PACRG: variants seen among roughly 807,000 people sequenced by gnomAD.
PACRG encodes parkin coregulated, also known as parkin coregulated gene protein.
Under a neutral mutation model 29.7 loss-of-function variants are expected in PACRG, and 29 were observed. The ratio of observed to expected loss-of-function variants is 0.98; its 90% CI spans 0.73 to 1.33. The LOEUF (loss-of-function observed/expected upper bound fraction) is 1.33. PACRG is among the 40% of genes most tolerant of loss of function. PACRG has a pLI of 0.00. For missense variants in PACRG, 279 were observed against 316.2 expected (o/e 0.88, Z 0.89); for synonymous variants, 116 against 118.7 (o/e 0.98, Z 0.15).
At chr6:163,240,183 C>A (rs1782441715) in intron 4 of PACRG, among the ~76,000 whole-genome samples, 2 of 152,068 alleles carry the variant, frequency 1.3e-5, no homozygotes, top group African/African-American at 4.8e-5. Flanking sequence ...ACCTGTGCCT[C>A]CGCCGGGCCT....
intron 4 of PACRG, among the ~76,000 whole-genome samples, chr6:163,295,227 T>A (rs1784744736): frequency 6.6e-6 from 1 of 152,222 alleles, no homozygotes; most frequent in Non-Finnish European, 1.5e-5. Context: ...GCTACGTGCC[T>A]ATTTTTAAAA....
intron 2 of PACRG, among the ~76,000 whole-genome samples, chr6:163,061,550 G>A (rs149956361): frequency 0.018 from 2,707 of 152,214 alleles, 80 homozygotes; most frequent in Admixed American, 0.087. Context: ...AGGTGTCAGT[G>A]GTCCCAGGTT....
At chr6:162,935,149 A>G (rs1020706962) in intron 2 of PACRG, among the ~76,000 whole-genome samples, 13 of 152,144 alleles carry the variant, frequency 8.5e-5, no homozygotes, top group African/African-American at 2.9e-4. Flanking sequence ...TAGTTTAACT[A>G]TAACTTGCCT....
intron 4 of PACRG, among the ~76,000 whole-genome samples, chr6:163,197,490 C>T (rs1050025399): frequency 7.5e-6 from 1 of 133,892 alleles, no homozygotes; most frequent in Non-Finnish European, 1.5e-5. Context: ...GTTGCCCAGG[C>T]TGGAGTGCAG....
chr6:163,089,245 C>G lies in PACRG; in HGVS notation c.464-14C>G. The G allele has an allele frequency of 6.2e-7, 1 of 1,610,136 alleles. No homozygotes were observed. Among genetic ancestry groups the G allele is most frequent in the Non-Finnish European group, 8.5e-7 (1 of 1,177,752 alleles). On this transcript the variant is annotated splice_polypyrimidine_tract_variant and intron_variant, in intron 3 of 4. Coordinates refer to ENST00000366888, the MANE Select transcript of PACRG (RefSeq NM_001080379.2). ...TTAAAATATTTTCTGCTTGGTCCTTCTTTTACCATATAGATGCCTTGAACC... is the reference window on the plus strand; with the variant it reads ...TTAAAATATTTTCTGCTTGGTCCTTGTTTTACCATATAGATGCCTTGAACC...
At chr6:163,071,317 C>G (rs1302647838) in intron 3 of PACRG, among the ~76,000 whole-genome samples, 1 of 151,928 alleles carries the variant, frequency 6.6e-6, no homozygotes, top group Non-Finnish European at 1.5e-5. Flanking sequence ...TTAAAACATT[C>G]AAAAAAATTC....
At chr6:162,747,493 T>TATATATATA (rs71008109) in intron 1 of PACRG, among the ~76,000 whole-genome samples, 6 of 127,598 alleles carry the variant, frequency 4.7e-5, no homozygotes, top group African/African-American at 1.2e-4. Context: ...TATATATATA[T>TATATATATA]TCCATTAGTT....
chr6:163,265,090 G>A lies in PACRG; in HGVS notation c.614-49737G>A, dbSNP rs190114728. On this transcript the variant is annotated intron_variant, in intron 4 of 4. Transcript: ENST00000366888. ...TATTTTCAGCTTGTAGTAAAGAGCC[G>A]GCTTCCACTCCTGCTGGGTGAATGA... is the stretch of plus-strand genomic sequence containing the variant. Among the ~76,000 whole-genome samples, 166 of 152,312 alleles carry A rather than the reference G, an allele frequency of 1.1e-3. 1 individual carries two copies. Among genetic ancestry groups the A allele is most frequent in the African/African-American group, 3.8e-3 (159 of 41,580 alleles).
intron 2 of PACRG, among the ~76,000 whole-genome samples, chr6:162,895,659 A>G (rs939672624): frequency 3.3e-5 from 5 of 152,220 alleles, no homozygotes; most frequent in African/African-American, 1.2e-4. Flanking sequence ...AGACCTGTAC[A>G]ATTTGAAAAT....
At chr6:163,101,124 T>G (rs1231943695) in intron 4 of PACRG, 1 of 982,990 alleles carries the variant, frequency 1.0e-6, no homozygotes, top group Non-Finnish European at 1.2e-6. Context: ...TAATTTAGAT[T>G]TTGCATACCA....
chr6:163,070,209 A>G (rs1811913526), intron 3 of PACRG, among the ~76,000 whole-genome samples: 1 of 152,138 alleles, frequency 6.6e-6, no homozygotes, highest in Non-Finnish European at 1.5e-5. Context: ...AGCAATAAGA[A>G]GTCATCTGAA....
chr6:163,233,918 CA>C (rs1286345750), intron 4 of PACRG, among the ~76,000 whole-genome samples: 2 of 152,134 alleles, frequency 1.3e-5, no homozygotes, highest in Admixed American at 1.3e-4. Flanking sequence ...GAGAGACATT[CA>C]AATAGAAATA....
chr6:162,880,549 T>A (rs896268438), intron 2 of PACRG, among the ~76,000 whole-genome samples: 4 of 152,236 alleles, frequency 2.6e-5, no homozygotes, highest in Admixed American at 1.3e-4. Context: ...GTCAAGGTTC[T>A]GTGTATTTGT....
At chr6:163,297,956 G>A (rs148623969) in intron 4 of PACRG, among the ~76,000 whole-genome samples, 2 of 152,262 alleles carry the variant, frequency 1.3e-5, no homozygotes, top group African/African-American at 2.4e-5. Context: ...CCTCTGCATT[G>A]CTTAACACAA....
chr6:162,852,035 G>A (rs1013202088), intron 2 of PACRG, among the ~76,000 whole-genome samples: 2 of 149,754 alleles, frequency 1.3e-5, no homozygotes, highest in Admixed American at 1.4e-4. Flanking sequence ...AAGGAAGGAA[G>A]GAAAGATGGA....
At chr6:162,990,451 C>T (rs1043988679) in intron 2 of PACRG, among the ~76,000 whole-genome samples, 1 of 149,212 alleles carries the variant, frequency 6.7e-6, no homozygotes, top group Non-Finnish European at 1.5e-5. Context: ...GAGATGATAT[C>T]TCAGAGTGGT....
chr6:163,190,878 G>T (rs1473250573), intron 4 of PACRG: 1 of 450,840 alleles, frequency 2.2e-6, no homozygotes, highest in Non-Finnish European at 4.4e-6. Flanking sequence ...TGCTGATGAT[G>T]TCCTGACAAA....
At chr6:162,911,547 G>T in intron 2 of PACRG, among the ~76,000 whole-genome samples, 1 of 152,196 alleles carries the variant, frequency 6.6e-6, no homozygotes, top group East Asian at 1.9e-4. Flanking sequence ...TATAGATATG[G>T]ATATATAGAT....
chr6:163,157,992 C>A (rs1778391623), intron 4 of PACRG, among the ~76,000 whole-genome samples: 1 of 152,134 alleles, frequency 6.6e-6, no homozygotes, highest in Admixed American at 6.5e-5. Context: ...ATCTACGGTT[C>A]TTGGAAAGAA....
Sources: gnomAD v4.1 joint callset for allele counts (sites outside exome capture counted in the v4.1 genomes callset) on GRCh38, gnomAD v4.1.1 for gene constraint, MANE v1.5 for transcripts, NCBI Gene and HGNC (gene_info 2026-07-23, HGNC 2026-07-21) for gene names.